DNAH3: variants seen among roughly 807,000 people sequenced by gnomAD.
DNAH3 encodes the protein axonemal beta dynein heavy chain 3.
A neutral mutation model predicts 432.5 loss-of-function variants in DNAH3; 332 were observed. The observed-to-expected ratio is 0.77, with a 90% CI of 0.70 to 0.84. The LOEUF (loss-of-function observed/expected upper bound fraction) is 0.84. DNAH3 is among the 40% of genes least tolerant of loss of function. The probability of loss-of-function intolerance (pLI) is 0.00; values close to 1 mark genes in which losing one functional copy is unlikely to be tolerated. For missense variants in DNAH3, 4,861 were observed against 5,114.0 expected (o/e 0.95, Z 1.51); for synonymous variants, 1,956 against 1,900.2 (o/e 1.03, Z -0.76).
In DNAH3 at chr16:21,071,288, C is replaced by G. The variant is rs532473339; in HGVS notation, c.3085-462G>C. Among the ~76,000 whole-genome samples, 4 of 152,144 alleles carry G rather than the reference C, an allele frequency of 2.6e-5. No homozygotes were observed. In the South Asian group the frequency reaches 8.3e-4, roughly 32 times the overall value. On this transcript the variant is annotated intron_variant, in intron 21 of 61. Coordinates refer to ENST00000261383, the Ensembl canonical transcript of DNAH3. Reference sequence around the variant, plus strand: ...AACTCCTGACCTCAGGTGATCCACCCGCCTCGGCCTCCCAAAGTGCTGGGA... The same window carrying G: ...AACTCCTGACCTCAGGTGATCCACCGGCCTCGGCCTCCCAAAGTGCTGGGA...
intron 25 of DNAH3, among the ~76,000 whole-genome samples, chr16:21,061,485 A>G (rs1000283283): frequency 6.6e-6 from 1 of 152,052 alleles, no homozygotes; most frequent in African/African-American, 2.4e-5. Context: ...CGGCCTCCCA[A>G]AGTGCTGGGA....
chr16:21,079,413 C>A (rs2091097421), intron 20 of DNAH3, among the ~76,000 whole-genome samples: 1 of 152,152 alleles, frequency 6.6e-6, no homozygotes, highest in African/African-American at 2.4e-5. Context: ...CACCTGAGGT[C>A]AGGAGTTCGA....
exon 55 of DNAH3, chr16:20,954,846 C>T (rs142557616): frequency 1.8e-5 from 29 of 1,614,018 alleles, no homozygotes; most frequent in South Asian, 7.7e-5. Context: ...TCTTGAACAA[C>T]GGCGTGGAAG....
intron 52 of DNAH3, among the ~76,000 whole-genome samples, chr16:20,969,164 C>CTG (rs2085206193): frequency 1.3e-5 from 2 of 151,112 alleles, no homozygotes; most frequent in Non-Finnish European, 2.9e-5. Flanking sequence ...CCTGGTCCCC[C>CTG]TGTCCCTTTG....
At chr16:21,051,043 A>C (rs1453228938) in intron 29 of DNAH3, among the ~76,000 whole-genome samples, 7 of 152,190 alleles carry the variant, frequency 4.6e-5, no homozygotes, top group Non-Finnish European at 1.0e-4. Flanking sequence ...TAAATAAATG[A>C]ATGAAGAGCA....
intron 42 of DNAH3, among the ~76,000 whole-genome samples, chr16:21,001,158 G>GA (rs2086997487): frequency 6.6e-6 from 1 of 152,106 alleles, no homozygotes; most frequent in South Asian, 2.1e-4. Flanking sequence ...CCAATATGGG[G>GA]ATTGTATTAA....
At chr16:21,067,773 GA>G (rs1381573543) in intron 23 of DNAH3, among the ~76,000 whole-genome samples, 22 of 82,958 alleles carry the variant, frequency 2.7e-4, no homozygotes, top group Admixed American at 8.2e-4. Context: ...GGGGGGTGGG[GA>G]GGGAGAGAGA....
chr16:20,991,750 T>A (rs1423533216), intron 44 of DNAH3, among the ~76,000 whole-genome samples: 1 of 152,178 alleles, frequency 6.6e-6, no homozygotes, highest in Non-Finnish European at 1.5e-5. Context: ...CCTACAAATT[T>A]GTAGCTGGAT....
intron 16 of DNAH3, 112 bp downstream of exon 16, chr16:21,104,359 C>T: frequency 1.1e-6 from 1 of 875,666 alleles, no homozygotes; most frequent in South Asian, 1.5e-5. Context: ...AGACTTCGCC[C>T]ACACGTTGCC....
intron 9 of DNAH3, among the ~76,000 whole-genome samples, chr16:21,124,408 A>T (rs1468414322): frequency 6.6e-6 from 1 of 152,198 alleles, no homozygotes. Flanking sequence ...GTACATTTTT[A>T]CCAACTTAAT....
At chr16:21,098,795 C>T (rs751491824) in intron 16 of DNAH3, 26 bp from the exon 17 acceptor site, 1 of 1,595,818 alleles carries the variant, frequency 6.3e-7, no homozygotes, top group Non-Finnish European at 8.5e-7. Flanking sequence ...GCCTGGTTAC[C>T]TTTGGACTTT....
At chr16:20,955,456 C>T (rs902285490) in intron 54 of DNAH3, among the ~76,000 whole-genome samples, 3 of 151,008 alleles carry the variant, frequency 2.0e-5, no homozygotes, top group Non-Finnish European at 4.4e-5. Context: ...GACTCCAAAG[C>T]TCCTACTCTT....
At chr16:20,979,960 G>A (rs1187476793) in intron 49 of DNAH3, among the ~76,000 whole-genome samples, 2 of 150,932 alleles carry the variant, frequency 1.3e-5, no homozygotes. Context: ...ATGTTGGTCA[G>A]GCTAGTCTGA....
intron 57 of DNAH3, among the ~76,000 whole-genome samples, chr16:20,947,216 A>T (rs924845122): frequency 4.6e-5 from 7 of 151,784 alleles, no homozygotes; most frequent in Non-Finnish European, 8.8e-5. Context: ...ACCCAAGAAG[A>T]CTGGGTGCGG....
chr16:21,150,627 G>A, intron 1 of DNAH3, 93 bp from the exon 2 acceptor site: 1 of 188,030 alleles, frequency 5.3e-6, no homozygotes, highest in South Asian at 1.0e-4. Context: ...TCCCCCAGCG[G>A]TGGCCACGCT....
intron 12 of DNAH3, among the ~76,000 whole-genome samples, chr16:21,112,850 T>C (rs914378644): frequency 5.3e-5 from 8 of 152,204 alleles, no homozygotes; most frequent in Admixed American, 3.3e-4. Context: ...CTTTAAAGTT[T>C]GACTGTCCCA....
intron 31 of DNAH3, among the ~76,000 whole-genome samples, chr16:21,042,803 C>T (rs545591831): frequency 1.3e-5 from 2 of 152,112 alleles, no homozygotes; most frequent in South Asian, 2.1e-4. Flanking sequence ...GTATATCTCC[C>T]GATGCTATCC....
chr16:21,113,037 T>C (rs2092109719), intron 12 of DNAH3, among the ~76,000 whole-genome samples: 1 of 152,214 alleles, frequency 6.6e-6, no homozygotes, highest in Non-Finnish European at 1.5e-5. Context: ...GATGAGACTT[T>C]GCACTGTGGA....
chr16:20,943,578 C>T (rs558592434), intron 58 of DNAH3, among the ~76,000 whole-genome samples: 2 of 152,228 alleles, frequency 1.3e-5, no homozygotes, highest in African/African-American at 4.8e-5. Context: ...AAGACAGTTT[C>T]GGGTCAGTGC....
Sources: allele counts gnomAD v4.1 joint callset (sites outside exome capture counted in the v4.1 genomes callset), GRCh38; gene constraint gnomAD v4.1.1; transcripts MANE v1.5; gene names NCBI Gene and HGNC (gene_info 2026-07-23, HGNC 2026-07-21).